CDH6: variants seen among roughly 807,000 people sequenced by gnomAD.
CDH6 encodes the protein cadherin 6.
In CDH6, 31 loss-of-function variants were observed where a neutral mutation model predicts 78.0. The observed-to-expected ratio is 0.40, with a 90% CI of 0.30 to 0.54. The LOEUF (loss-of-function observed/expected upper bound fraction) is 0.54, where lower values mean the gene tolerates loss of function less well. CDH6 is among the 20% of genes least tolerant of loss of function. The pLI is 0.56. For missense variants in CDH6, 724 were observed against 975.9 expected, an observed-to-expected ratio of 0.74 and a Z score of 3.44; for synonymous variants, 376 against 368.8, an observed-to-expected ratio of 1.02 and a Z score of -0.23.
At chr5:31,302,416 T>C in intron 6 of CDH6, 118 bp downstream of exon 6, 1 of 839,426 alleles carries the variant, frequency 1.2e-6, no homozygotes, top group South Asian at 2.7e-5. Flanking sequence ...ATTTTACTTA[T>C]TATTTTCAGA....
chr5:31,247,750 A>G (rs1741793540), intron 1 of CDH6, among the ~76,000 whole-genome samples: 1 of 152,252 alleles, frequency 6.6e-6, no homozygotes, highest in South Asian at 2.1e-4. Context: ...GCATCAGAAC[A>G]CATAGTAAAT....
intron 2 of CDH6, among the ~76,000 whole-genome samples, chr5:31,277,175 T>C (rs1453690423): frequency 1.3e-5 from 2 of 152,224 alleles, no homozygotes; most frequent in African/African-American, 4.8e-5. Context: ...AAAAATAATA[T>C]GCACACGACA....
chr5:31,252,358 T>C (rs1741934406), intron 1 of CDH6, among the ~76,000 whole-genome samples: 1 of 151,562 alleles, frequency 6.6e-6, no homozygotes, highest in African/African-American at 2.4e-5. Flanking sequence ...TGTGTATTTT[T>C]ATTAATCATA....
intron 1 of CDH6, among the ~76,000 whole-genome samples, chr5:31,213,677 G>A (rs1478596028): frequency 6.6e-6 from 1 of 152,118 alleles, no homozygotes; most frequent in Non-Finnish European, 1.5e-5. Flanking sequence ...ATGCCTCTGG[G>A]AAACGGGGTT....
chr5:31,280,226 CT>C (rs1476656925), intron 2 of CDH6, among the ~76,000 whole-genome samples: 1 of 152,174 alleles, frequency 6.6e-6, no homozygotes, highest in East Asian at 1.9e-4. Context: ...CACAGATTAT[CT>C]TTTAGCAGAG....
At chr5:31,278,271 A>T (rs1742753943) in intron 2 of CDH6, among the ~76,000 whole-genome samples, 1 of 152,216 alleles carries the variant, frequency 6.6e-6, no homozygotes, top group Non-Finnish European at 1.5e-5. Context: ...TTCTATGAAA[A>T]CTACCTCTGG....
chr5:31,204,798 G>C (rs1041621728), intron 1 of CDH6, among the ~76,000 whole-genome samples: 1 of 152,068 alleles, frequency 6.6e-6, no homozygotes, highest in Non-Finnish European at 1.5e-5. Context: ...AGACTTTAAA[G>C]CGAGAAGTGA....
chr5:31,272,542 A>G (rs1466018904), intron 2 of CDH6, among the ~76,000 whole-genome samples: 2 of 152,232 alleles, frequency 1.3e-5, no homozygotes, highest in Non-Finnish European at 2.9e-5. Flanking sequence ...GCACAGGTAG[A>G]CGTAGATACA....
At chr5:31,228,774 G>C (rs942261054) in intron 1 of CDH6, among the ~76,000 whole-genome samples, 2 of 152,180 alleles carry the variant, frequency 1.3e-5, no homozygotes, top group Non-Finnish European at 2.9e-5. Flanking sequence ...GCGGAGCTCA[G>C]GCTACAATGC....
chr5:31,268,177 A>G (rs1178530172), intron 2 of CDH6, among the ~76,000 whole-genome samples: 2 of 152,206 alleles, frequency 1.3e-5, no homozygotes, highest in Admixed American at 6.5e-5. Flanking sequence ...CTCTGGCCAA[A>G]TGGAGCCCTT....
At chr5:31,235,161 C>A (rs1741417009) in intron 1 of CDH6, among the ~76,000 whole-genome samples, 2 of 151,766 alleles carry the variant, frequency 1.3e-5, no homozygotes, top group African/African-American at 4.8e-5. Context: ...GATCCTACTA[C>A]CATATAATCA....
chr5:31,204,530 G>A (rs1052321789), intron 1 of CDH6, among the ~76,000 whole-genome samples: 9 of 152,136 alleles, frequency 5.9e-5, no homozygotes, highest in Non-Finnish European at 8.8e-5. Context: ...TATTGAAACC[G>A]TAGGCTGGAT....
rs545987059 is a variant in CDH6, at chr5:31,285,204, T to C, written c.229-8758T>C. 1.1e-4 allele frequency among the ~76,000 whole-genome samples: 16 copies of C among 152,354 alleles called. No homozygotes were observed. The East Asian group carries it at 3.1e-3, about 29-fold the overall frequency. ...AGTGTTTCTATTTTTGCTGACTTTA[T>C]GGCTTTTCTTACCCCAGGCACATAC... On this transcript the variant is annotated intron_variant, in intron 2 of 11. Coordinates refer to ENST00000265071, the MANE Select transcript of CDH6 (RefSeq NM_004932.4).
chr5:31,210,453 G>A (rs1164207093), intron 1 of CDH6, among the ~76,000 whole-genome samples: 2 of 152,076 alleles, frequency 1.3e-5, no homozygotes, highest in African/African-American at 4.8e-5. Context: ...GCAGTGAGCC[G>A]AGATCACGCC....
chr5:31,210,560 T>C (rs1266561346), intron 1 of CDH6, among the ~76,000 whole-genome samples: 1 of 152,086 alleles, frequency 6.6e-6, no homozygotes, highest in Non-Finnish European at 1.5e-5. Flanking sequence ...TAAGTGAAAA[T>C]ATAAGTACAG....
intron 1 of CDH6, among the ~76,000 whole-genome samples, chr5:31,240,879 C>T (rs979001227): frequency 4.6e-5 from 7 of 152,166 alleles, no homozygotes; most frequent in Admixed American, 2.0e-4. Flanking sequence ...TCTCTCTTTC[C>T]TACCCTATCC....
At chr5:31,256,530 C>G (rs573322755) in intron 1 of CDH6, among the ~76,000 whole-genome samples, 5 of 152,282 alleles carry the variant, frequency 3.3e-5, no homozygotes, top group Admixed American at 6.5e-5. Flanking sequence ...TCTTAGCAAG[C>G]CTTCGTGGCC....
rs1290213179 is a variant in CDH6, at chr5:31,327,227, G to A, written c.*3919G>A. ...CAAGCACCATAAAAAGTATGCAGTT[G>A]AAAAGAAAATCAAAGTTGATTCCTG... On this transcript the variant is annotated 3_prime_UTR_variant, in exon 12 of 12. Transcript: ENST00000265071. The A allele has an allele frequency of 5.3e-6, 1 of 187,718 alleles. No homozygotes were observed. The highest frequency in any genetic ancestry group is 1.1e-5 in the Non-Finnish European group (1 of 89,154). 11.6% of individuals were successfully genotyped at this position (187,718 alleles called of 1,614,324 possible).
chr5:31,282,919 C>A (rs1742900245), intron 2 of CDH6, among the ~76,000 whole-genome samples: 1 of 151,080 alleles, frequency 6.6e-6, no homozygotes, highest in Non-Finnish European at 1.5e-5. Context: ...TGAATCTCTG[C>A]AAATACAGAT....
Sources: allele counts gnomAD v4.1 joint callset (sites outside exome capture counted in the v4.1 genomes callset), GRCh38; gene constraint gnomAD v4.1.1; transcripts MANE v1.5; gene names NCBI Gene and HGNC (gene_info 2026-07-23, HGNC 2026-07-21).